The following SDHAF3 variants were observed in gnomAD, a reference collection of about 807,000 sequenced individuals.
SDHAF3 encodes succinate dehydrogenase complex assembly factor 3, also known as succinate dehydrogenase assembly factor 3, mitochondrial.
A neutral mutation model predicts 11.5 loss-of-function variants in SDHAF3; 18 were observed. That is an observed-to-expected ratio of 1.56 (90% CI 1.08 to 2.32). The LOEUF is 2.32. SDHAF3 is among the 30% of genes most tolerant of loss of function. The pLI, the probability that SDHAF3 is intolerant of heterozygous loss-of-function variation, is 0.00. For missense variants in SDHAF3, 200 were observed against 154.4 expected (o/e 1.30, Z -1.57); for synonymous variants, 72 against 59.3 (o/e 1.21, Z -0.99).
At chr7:97,119,205 ATT>A (rs1273937022) in intron 1 of SDHAF3, among the ~76,000 whole-genome samples, 1 of 152,204 alleles carries the variant, frequency 6.6e-6, no homozygotes, top group African/African-American at 2.4e-5. Flanking sequence ...GTATTAAAGT[ATT>A]TTACATCTTT....
intron 1 of SDHAF3, among the ~76,000 whole-genome samples, chr7:97,162,597 T>C (rs1177295950): frequency 6.6e-6 from 1 of 152,242 alleles, no homozygotes; most frequent in Admixed American, 6.5e-5. Context: ...GTGTCTTTGT[T>C]CTCATTGGTT....
intron 1 of SDHAF3, among the ~76,000 whole-genome samples, chr7:97,121,385 C>T (rs1791493172): frequency 6.6e-6 from 1 of 152,118 alleles, no homozygotes; most frequent in East Asian, 1.9e-4. Flanking sequence ...CCTGAAGAGA[C>T]TTCATTTATT....
intron 1 of SDHAF3, among the ~76,000 whole-genome samples, chr7:97,125,406 A>G (rs148111444): frequency 3.2e-4 from 48 of 152,334 alleles, no homozygotes; most frequent in African/African-American, 1.2e-3. Flanking sequence ...GCTGTGTCCC[A>G]GAGATTCTGG....
chr7:97,180,618 T>G (rs1562833850), intron 1 of SDHAF3, among the ~76,000 whole-genome samples: 1 of 152,054 alleles, frequency 6.6e-6, no homozygotes, highest in African/African-American at 2.4e-5. Flanking sequence ...AAATAAAAGT[T>G]GGGGGAAAAA....
chr7:97,143,111 G>C (rs935515921), intron 1 of SDHAF3, among the ~76,000 whole-genome samples: 21 of 151,506 alleles, frequency 1.4e-4, no homozygotes, highest in African/African-American at 5.1e-4. Flanking sequence ...GGCCAGGCTG[G>C]TCTCGAACTC....
intron 1 of SDHAF3, among the ~76,000 whole-genome samples, chr7:97,141,578 C>T (rs1584217406): frequency 6.6e-6 from 1 of 152,212 alleles, no homozygotes; most frequent in Non-Finnish European, 1.5e-5. Flanking sequence ...ATATCTGGCG[C>T]CCGATGTGGG....
intron 1 of SDHAF3, among the ~76,000 whole-genome samples, chr7:97,153,730 C>T (rs1789260567): frequency 6.6e-6 from 1 of 152,118 alleles, no homozygotes; most frequent in South Asian, 2.1e-4. Flanking sequence ...TATATTTCCA[C>T]CAGCAGTGAA....
chr7:97,168,603 AAC>A (rs1424827845), intron 1 of SDHAF3, among the ~76,000 whole-genome samples: 1 of 152,136 alleles, frequency 6.6e-6, no homozygotes, highest in Admixed American at 6.5e-5. Context: ...TGGGTTTTAT[AAC>A]ACCTTAATCT....
intron 1 of SDHAF3, among the ~76,000 whole-genome samples, chr7:97,126,397 C>A (rs1791578382): frequency 6.6e-6 from 1 of 152,204 alleles, no homozygotes; most frequent in Non-Finnish European, 1.5e-5. Flanking sequence ...ACATTTAAGT[C>A]TGCTGAAGTT....
chr7:97,149,689 A>G (rs1178136699), intron 1 of SDHAF3, among the ~76,000 whole-genome samples: 13 of 152,234 alleles, frequency 8.5e-5, no homozygotes. Context: ...GCAAGTCATA[A>G]TATTTTTACT....
At chr7:97,155,156 T>A (rs983623475) in intron 1 of SDHAF3, among the ~76,000 whole-genome samples, 4 of 152,218 alleles carry the variant, frequency 2.6e-5, no homozygotes, top group Non-Finnish European at 4.4e-5. Context: ...AAAAAACATA[T>A]CTGGGATTTT....
intron 1 of SDHAF3, among the ~76,000 whole-genome samples, chr7:97,158,675 G>T (rs968509551): frequency 3.3e-5 from 5 of 152,122 alleles, no homozygotes; most frequent in African/African-American, 1.2e-4. Context: ...TGCATGACCA[G>T]TGTCATTGGA....
intron 1 of SDHAF3, among the ~76,000 whole-genome samples, chr7:97,150,037 T>A (rs1038265841): frequency 1.3e-5 from 2 of 152,250 alleles, no homozygotes; most frequent in Non-Finnish European, 2.9e-5. Context: ...AATCACTTTC[T>A]TTGCTCATCC....
intron 1 of SDHAF3, among the ~76,000 whole-genome samples, chr7:97,167,441 G>A (rs1261395533): frequency 6.6e-6 from 1 of 152,052 alleles, no homozygotes; most frequent in African/African-American, 2.4e-5. Flanking sequence ...CCAGTCTCAG[G>A]TAGTTTTTTT....
intron 1 of SDHAF3, among the ~76,000 whole-genome samples, chr7:97,149,686 A>G (rs1433761497): frequency 6.6e-6 from 1 of 152,226 alleles, no homozygotes; most frequent in Non-Finnish European, 1.5e-5. Flanking sequence ...TCAGCAAGTC[A>G]TAATATTTTT....
chr7:97,159,641 T>A (rs147640106), intron 1 of SDHAF3, among the ~76,000 whole-genome samples: 210 of 152,284 alleles, frequency 1.4e-3, no homozygotes, highest in African/African-American at 4.9e-3. Context: ...TAAGGCCTAT[T>A]CAGTTCCCTC....
At chr7:97,172,401 C>T (rs1453720192) in intron 1 of SDHAF3, among the ~76,000 whole-genome samples, 2 of 152,120 alleles carry the variant, frequency 1.3e-5, no homozygotes, top group Non-Finnish European at 2.9e-5. Context: ...TCCTGTTACT[C>T]AGAGTCCTCA....
At chr7:97,157,012 T>C (rs1272051820) in intron 1 of SDHAF3, among the ~76,000 whole-genome samples, 1 of 152,040 alleles carries the variant, frequency 6.6e-6, no homozygotes, top group East Asian at 1.9e-4. Context: ...TGTCCATGTA[T>C]TCTCATTGTT....
At chr7:97,173,651 G>A (rs905649640) in intron 1 of SDHAF3, among the ~76,000 whole-genome samples, 2 of 145,996 alleles carry the variant, frequency 1.4e-5, no homozygotes, top group Non-Finnish European at 3.0e-5. Context: ...CTCCCAGGTT[G>A]ATGCCAGTCT....
Sources: gnomAD v4.1 joint callset for allele counts (sites outside exome capture counted in the v4.1 genomes callset) on GRCh38, gnomAD v4.1.1 for gene constraint, MANE v1.5 for transcripts, NCBI Gene and HGNC (gene_info 2026-07-23, HGNC 2026-07-21) for gene names.